Variants in ANK2 observed in about 807,000 individuals in gnomAD.
The protein encoded by ANK2 is ankyrin 2, also known as ankyrin-2.
In ANK2, 83 loss-of-function variants were observed where a neutral mutation model predicts 360.5. That is an observed-to-expected ratio of 0.23 (90% CI 0.19 to 0.28). ANK2 has a LOEUF of 0.28. Among genes scored for constraint, ANK2 ranks in the 10% least tolerant of loss-of-function variants. The pLI is 1.00. For synonymous variants in ANK2, 1,740 were observed against 1,759.5 expected, an observed-to-expected ratio of 0.99 and a Z score of 0.28; for missense variants, 4,201 against 4,795.7, an observed-to-expected ratio of 0.88 and a Z score of 3.66.
chr4:112,742,222 T>G, the ANK2 span, among the ~76,000 whole-genome samples: 1 of 151,972 alleles, frequency 6.6e-6, no homozygotes, highest in Non-Finnish European at 1.5e-5. Flanking sequence ...GTCAAGCAGT[T>G]CACTACTGCA....
At chr4:112,805,122 A>G in the ANK2 span, among the ~76,000 whole-genome samples, 2 of 152,194 alleles carry the variant, frequency 1.3e-5, no homozygotes, top group Non-Finnish European at 2.9e-5. Flanking sequence ...TGACCAGATC[A>G]TCCCTGAATG....
chr4:113,295,497 G>A (rs1235493390), intron 22 of ANK2, among the ~76,000 whole-genome samples: 1 of 152,122 alleles, frequency 6.6e-6, no homozygotes, highest in Non-Finnish European at 1.5e-5. Context: ...TCAGAAATCA[G>A]ATACAAGATC....
At chr4:113,118,445 G>T (rs1683961929) in intron 1 of ANK2, among the ~76,000 whole-genome samples, 2 of 151,990 alleles carry the variant, frequency 1.3e-5, no homozygotes, top group Non-Finnish European at 2.9e-5. Context: ...TTTCAATTTG[G>T]GGGATGTTGT....
At chr4:112,811,657 T>C in the ANK2 span, among the ~76,000 whole-genome samples, 2 of 152,222 alleles carry the variant, frequency 1.3e-5, no homozygotes, top group Admixed American at 6.5e-5. Flanking sequence ...TGGCACCCAT[T>C]GCTGACTGTT....
intron 1 of ANK2, among the ~76,000 whole-genome samples, chr4:112,874,234 A>G (rs2074261867): frequency 6.7e-6 from 1 of 150,308 alleles, no homozygotes; most frequent in Admixed American, 6.6e-5. Flanking sequence ...GGCGCCTGCC[A>G]CCATGCCTGG....
Position 113,363,458 on chromosome 4 carries a change from A to C in ANK2, c.10877A>C (p.Lys3626Thr), listed in dbSNP as rs1190880233. 50 of 1,613,360 alleles carry C rather than the reference A, an allele frequency of 3.1e-5. No individual in the cohort carries two copies. Among genetic ancestry groups the C allele is most frequent in the Non-Finnish European group, 4.0e-5 (47 of 1,179,560 alleles). Residue 3626 changes from lysine (K) to threonine (T), a missense_variant, in exon 40 of 46, where the codon AAA (lysine) becomes ACA (threonine). Physicochemically the swap from Lys to Thr is moderately conservative, Grantham distance 78. Coordinates refer to ENST00000357077, the MANE Select transcript of ANK2 (RefSeq NM_001148.6). The stretch of plus-strand genomic sequence containing the variant: ...AAGTACTGGCTAGAGAGGGATGGGA[A>C]ACATGCTACAGGTAAGTGGGGAACT... ...LLKYWLERDG[K>T]HATDTNLVEC...
At chr4:112,738,282 G>A in the ANK2 span, among the ~76,000 whole-genome samples, 115 of 152,110 alleles carry the variant, frequency 7.6e-4, 1 homozygote, top group Middle Eastern at 0.027. Context: ...TGTGGTGGTG[G>A]GCACCTGCAA....
intron 2 of ANK2, among the ~76,000 whole-genome samples, chr4:113,012,075 T>C (rs188650675): frequency 6.6e-6 from 1 of 152,244 alleles, no homozygotes; most frequent in East Asian, 1.9e-4. Context: ...TTTTTCACTT[T>C]AATGCCTTTA....
the ANK2 span, among the ~76,000 whole-genome samples, chr4:112,728,906 G>A: frequency 6.6e-6 from 1 of 152,094 alleles, no homozygotes; most frequent in African/African-American, 2.4e-5. Context: ...GTTGGGTGTG[G>A]TGGCTCAAGC....
chr4:113,163,828 A>G (rs1276777088), intron 1 of ANK2, among the ~76,000 whole-genome samples: 1 of 151,204 alleles, frequency 6.6e-6, no homozygotes, highest in South Asian at 2.1e-4. Flanking sequence ...TTCCCATATC[A>G]TACAATTCAC....
the ANK2 span, among the ~76,000 whole-genome samples, chr4:112,719,376 G>A: frequency 2.6e-5 from 4 of 152,106 alleles, no homozygotes; most frequent in Non-Finnish European, 5.9e-5. Flanking sequence ...AGTACTCAGG[G>A]AACTATGATA....
chr4:113,319,867 A>G lies in ANK2; in HGVS notation c.2900+1247A>G, dbSNP rs75461837. Among the ~76,000 whole-genome samples the G allele has an allele frequency of 6.8e-3, 1,030 of 152,304 alleles. 7 individuals are homozygous for G. Among genetic ancestry groups the G allele is most frequent in the African/African-American group, 0.024 (982 of 41,564 alleles). On this transcript the variant is annotated intron_variant, in intron 26 of 45. Transcript: ENST00000357077. ...AACTTCTTCACAGTGGTAAGAAGGA[A>G]AAAGACCTGGATGTAGAGTATTGTA...
chr4:112,870,693 G>A (rs928387527), intron 1 of ANK2, among the ~76,000 whole-genome samples: 6 of 152,180 alleles, frequency 3.9e-5, no homozygotes, highest in African/African-American at 1.4e-4. Context: ...ACACTGTCCT[G>A]TAGTAAGTTT....
intron 1 of ANK2, among the ~76,000 whole-genome samples, chr4:113,133,373 T>C (rs1488094408): frequency 6.6e-6 from 1 of 152,138 alleles, no homozygotes; most frequent in Non-Finnish European, 1.5e-5. Flanking sequence ...ATTATATTAT[T>C]TAATTCTCAC....
chr4:113,159,702 G>T (rs914424199), intron 1 of ANK2, among the ~76,000 whole-genome samples: 13 of 151,638 alleles, frequency 8.6e-5, no homozygotes, highest in Non-Finnish European at 1.6e-4. Context: ...TTTGCCTCCC[G>T]GGTTCAAGTG....
intron 2 of ANK2, among the ~76,000 whole-genome samples, chr4:112,966,599 T>G (rs1232708546): frequency 2.0e-5 from 3 of 152,144 alleles, no homozygotes; most frequent in Non-Finnish European, 2.9e-5. Flanking sequence ...GTGTCACTTT[T>G]TTTTCCATTT....
chr4:112,963,170 A>G (rs2035655786), intron 2 of ANK2, among the ~76,000 whole-genome samples: 2 of 152,186 alleles, frequency 1.3e-5, no homozygotes, highest in African/African-American at 4.8e-5. Context: ...TCTGAAAGCA[A>G]TATGAGAATG....
At chr4:112,893,839 A>G (rs540444412) in intron 1 of ANK2, among the ~76,000 whole-genome samples, 38 of 152,272 alleles carry the variant, frequency 2.5e-4, no homozygotes, top group African/African-American at 9.1e-4. Context: ...TACTAAAAAC[A>G]CAAAAAAGTT....
intron 2 of ANK2, among the ~76,000 whole-genome samples, chr4:112,955,623 G>A (rs1019172123): frequency 1.1e-4 from 16 of 151,890 alleles, no homozygotes; most frequent in Non-Finnish European, 2.2e-4. Flanking sequence ...TATTCAGAAA[G>A]CCTAATATGA....
Sources: allele counts gnomAD v4.1 joint callset (sites outside exome capture counted in the v4.1 genomes callset), GRCh38; gene constraint gnomAD v4.1.1; transcripts MANE v1.5; gene names NCBI Gene and HGNC (gene_info 2026-07-23, HGNC 2026-07-21).